The following TNS3 variants were observed in gnomAD, a reference collection of about 807,000 sequenced individuals.
The protein encoded by TNS3 is tensin 3, also known as tensin-3.
In TNS3, 45 loss-of-function variants were observed where a neutral mutation model predicts 140.9. The ratio of observed to expected loss-of-function variants is 0.32; its 90% CI spans 0.25 to 0.41. TNS3 has a LOEUF of 0.41. TNS3 is among the 10% of genes least tolerant of loss of function. The probability of loss-of-function intolerance (pLI) is 1.00; values close to 1 mark genes in which losing one functional copy is unlikely to be tolerated. For synonymous variants in TNS3, 815 were observed against 788.4 expected, an observed-to-expected ratio of 1.03 and a Z score of -0.56; for missense variants, 1,716 against 1,906.7, an observed-to-expected ratio of 0.90 and a Z score of 1.86.
chr7:47,351,073 T>C (rs190968257), intron 17 of TNS3, among the ~76,000 whole-genome samples: 15 of 152,376 alleles, frequency 9.8e-5, no homozygotes, highest in Middle Eastern at 3.4e-3. Flanking sequence ...GTAATATGTA[T>C]TACTTTTTAA....
chr7:47,362,370 A>AT (rs768646108), intron 17 of TNS3, among the ~76,000 whole-genome samples: 8 of 151,798 alleles, frequency 5.3e-5, no homozygotes, highest in Non-Finnish European at 8.8e-5. Context: ...GGGCAGGGCT[A>AT]CTCTACACTG....
intron 3 of TNS3, among the ~76,000 whole-genome samples, chr7:47,483,723 G>A (rs756708384): frequency 3.3e-5 from 5 of 152,176 alleles, no homozygotes; most frequent in Non-Finnish European, 5.9e-5. Flanking sequence ...TGGCCCCAGG[G>A]TGTCCTACAG....
intron 20 of TNS3, among the ~76,000 whole-genome samples, chr7:47,319,184 G>A (rs746018817): frequency 7.9e-5 from 12 of 152,150 alleles, no homozygotes; most frequent in Non-Finnish European, 1.3e-4. Context: ...TTTAAAAAGA[G>A]GTTTATTTGG....
intron 30 of TNS3, 52 bp downstream of exon 30, chr7:47,280,112 T>C: frequency 1.2e-6 from 2 of 1,607,768 alleles, no homozygotes; most frequent in Non-Finnish European, 1.7e-6. Flanking sequence ...AATTCAACTT[T>C]GGAGTACAAC....
At chr7:47,400,357 A>G in intron 15 of TNS3, 36 bp downstream of exon 15, 1 of 1,596,842 alleles carries the variant, frequency 6.3e-7, no homozygotes, top group Non-Finnish European at 8.6e-7. Flanking sequence ...CACCAGTGTC[A>G]GCAAGGACCA....
chr7:47,296,740 G>T (rs537176175), intron 24 of TNS3, among the ~76,000 whole-genome samples: 1 of 152,228 alleles, frequency 6.6e-6, no homozygotes, highest in East Asian at 1.9e-4. Flanking sequence ...AGACACACAC[G>T]AATCTACTCC....
intron 18 of TNS3, among the ~76,000 whole-genome samples, chr7:47,345,402 A>G (rs1404980448): frequency 6.6e-6 from 1 of 152,234 alleles, no homozygotes; most frequent in Non-Finnish European, 1.5e-5. Context: ...TGGTATTAAT[A>G]TATTCACAGA....
chr7:47,457,427 C>T (rs1796307249), intron 4 of TNS3, among the ~76,000 whole-genome samples: 1 of 152,022 alleles, frequency 6.6e-6, no homozygotes, highest in Non-Finnish European at 1.5e-5. Context: ...CTCCTCCCCA[C>T]TTCCACACAC....
At chr7:47,547,870 G>A (rs1182385101) in intron 1 of TNS3, among the ~76,000 whole-genome samples, 1 of 152,196 alleles carries the variant, frequency 6.6e-6, no homozygotes, top group Non-Finnish European at 1.5e-5. Context: ...CACATGCACA[G>A]CGGGCTCCAG....
Position 47,276,008 on chromosome 7 carries a change from A to G in TNS3, c.*2068T>C, listed in dbSNP as rs569653246. The G allele has an allele frequency of 5.3e-6, 2 of 374,328 alleles. No homozygotes were observed. Among genetic ancestry groups the G allele is most frequent in the East Asian group, 1.5e-4 (2 of 13,632 alleles). The allele number at this position is 374,328 out of a possible 1,614,324, so 23.2% of individuals were successfully genotyped here. ...CTGGCCTGCACTCTTTGGGTTAAACATGGGTAGAGACCGTCTCAGGATGAG... is the reference window on the plus strand; with the variant it reads ...CTGGCCTGCACTCTTTGGGTTAAACGTGGGTAGAGACCGTCTCAGGATGAG... On this transcript the variant is annotated 3_prime_UTR_variant, in exon 31 of 31. Transcript: ENST00000311160.
intron 17 of TNS3, among the ~76,000 whole-genome samples, chr7:47,355,222 A>C (rs1167613775): frequency 2.0e-5 from 3 of 152,166 alleles, no homozygotes; most frequent in African/African-American, 7.2e-5. Flanking sequence ...AGGGTGCAAA[A>C]GGACACCGAG....
intron 20 of TNS3, among the ~76,000 whole-genome samples, chr7:47,318,681 A>T (rs1787552622): frequency 6.6e-6 from 1 of 152,176 alleles, no homozygotes; most frequent in Admixed American, 6.5e-5. Context: ...GCAGAGAGAG[A>T]ACCTGCATAA....
At chr7:47,578,181 T>TAC (rs1800717909) in intron 1 of TNS3, among the ~76,000 whole-genome samples, 1 of 151,898 alleles carries the variant, frequency 6.6e-6, no homozygotes, top group Non-Finnish European at 1.5e-5. Context: ...GGCATGGTGG[T>TAC]ATGCGCCTGT....
At chr7:47,566,076 G>A (rs531575656) in intron 1 of TNS3, among the ~76,000 whole-genome samples, 2 of 152,272 alleles carry the variant, frequency 1.3e-5, no homozygotes, top group South Asian at 2.1e-4. Flanking sequence ...AAACCCTGCC[G>A]AGCCGCAACC....
chr7:47,538,930 G>T, intron 1 of TNS3: 1 of 426,982 alleles, frequency 2.3e-6, no homozygotes, highest in Non-Finnish European at 4.8e-6. Flanking sequence ...CATCTGTATC[G>T]TATTCATTCC....
chr7:47,327,777 C>T (rs567379637), intron 20 of TNS3, among the ~76,000 whole-genome samples: 492 of 152,304 alleles, frequency 3.2e-3, no homozygotes, highest in Non-Finnish European at 4.8e-3. Flanking sequence ...AATCAGCCCT[C>T]CTCCCAAGTC....
intron 17 of TNS3, among the ~76,000 whole-genome samples, chr7:47,346,927 C>T (rs1789378134): frequency 6.6e-6 from 1 of 152,194 alleles, no homozygotes; most frequent in African/African-American, 2.4e-5. Flanking sequence ...ACACCACAGG[C>T]GGTTATTCCT....
At chr7:47,374,392 AG>A (rs1341184091) in intron 16 of TNS3, among the ~76,000 whole-genome samples, 1 of 152,162 alleles carries the variant, frequency 6.6e-6, no homozygotes, top group African/African-American at 2.4e-5. Flanking sequence ...CACAGCTCCA[AG>A]TGGCAGGGCT....
chr7:47,565,609 A>G (rs954282886), intron 1 of TNS3, among the ~76,000 whole-genome samples: 4 of 151,894 alleles, frequency 2.6e-5, no homozygotes, highest in Non-Finnish European at 5.9e-5. Flanking sequence ...TCGGGTGATC[A>G]GCCCGCCTCA....
Sources: gnomAD v4.1 joint callset for allele counts (sites outside exome capture counted in the v4.1 genomes callset) on GRCh38, gnomAD v4.1.1 for gene constraint, MANE v1.5 for transcripts, NCBI Gene and HGNC (gene_info 2026-07-23, HGNC 2026-07-21) for gene names.